NSD1: variants seen among roughly 807,000 people sequenced by gnomAD.
NSD1 encodes histone-lysine N-methyltransferase, H3 lysine-36 specific.
In NSD1, 26 loss-of-function variants were observed where a neutral mutation model predicts 242.7. The ratio of observed to expected loss-of-function variants is 0.11; its 90% confidence interval spans 0.08 to 0.15. The LOEUF is 0.15. NSD1 is among the 10% of genes least tolerant of loss of function. The pLI, the probability that NSD1 is intolerant of heterozygous loss-of-function variation, is 1.00. For synonymous variants in NSD1, 1,106 were observed against 1,178.1 expected (o/e 0.94, Z 1.25); for missense variants, 2,495 against 3,272.8 (o/e 0.76, Z 5.80).
rs1756359810 is a variant in NSD1 at position 177,255,538 on chromosome 5, CAGAG to C, written c.4766-1409_4766-1406del. On this transcript the variant is annotated intron_variant, in intron 12 of 22. Coordinates refer to ENST00000439151, the MANE Select transcript of NSD1 (RefSeq NM_022455.5). ...TTTTCTTATGTTGTACTGCATCTCA[CAGAG>C]AGATAGAGGTCTGTGGTTTTTGTTT... 2.0e-5 allele frequency among the ~76,000 whole-genome samples: 3 copies of C among 152,148 alleles called. No homozygotes were observed. In the South Asian group the frequency reaches 6.2e-4, roughly 32 times the overall value.
chr5:177,219,978 G>A (rs1039677105), intron 5 of NSD1, among the ~76,000 whole-genome samples: 5 of 152,084 alleles, frequency 3.3e-5, no homozygotes, highest in African/African-American at 9.7e-5. Flanking sequence ...AAAAGACTCT[G>A]TGTGACCATA....
Position 177,135,535 on chromosome 5 carries a change from G to A in NSD1, c.432G>A (p.Lys144=), listed in dbSNP as rs2149756061. The change falls in exon 2 of 23, where the codon AAG becomes AAA. Residue 144 remains lysine, a synonymous_variant. Transcript: ENST00000439151. The stretch of plus-strand genomic sequence containing the variant: ...CTGAACTCCAGGTAAAAGTAACAAA[G>A]ACTATCAAGAATGGCTTTCTGCACT... ...NSPELQVKVT[K]TIKNGFLHFE... is the part of the protein sequence containing the mutation. The A allele has an allele frequency of 6.2e-7, 1 of 1,614,162 alleles. No homozygotes were observed. Among genetic ancestry groups the A allele is most frequent in the South Asian group, 1.1e-5 (1 of 91,078 alleles).
At chr5:177,217,688 A>T (rs1763890629) in intron 5 of NSD1, among the ~76,000 whole-genome samples, 1 of 123,302 alleles carries the variant, frequency 8.1e-6, no homozygotes, top group African/African-American at 3.3e-5. Context: ...TTTTTTTGAG[A>T]CAGAGTTTCA....
At chr5:177,241,803 G>T (rs1337396607) in intron 8 of NSD1, among the ~76,000 whole-genome samples, 17 of 152,116 alleles carry the variant, frequency 1.1e-4, no homozygotes. Context: ...GGTATATTTT[G>T]TCATAAGGCT....
At chr5:177,158,329 T>TTTTCTTTCTTTTCTTTC (rs1758372062) in intron 2 of NSD1, among the ~76,000 whole-genome samples, 1 of 140,636 alleles carries the variant, frequency 7.1e-6, no homozygotes, top group African/African-American at 2.7e-5. Context: ...CTTTTCTTTC[T>TTTTCTTTCTTTTCTTTC]TTTCTTTCTT....
rs1359018226 is a variant in NSD1, at chr5:177,300,061, C to A, written c.*4602C>A. ...CCATCATTGCTTTTTTGCCGCGCCC[C>A]CCCCCCCCCGCCCCCATAGATTGTC... On this transcript the variant is annotated 3_prime_UTR_variant, in exon 23 of 23. Transcript: ENST00000439151. 1.7e-5 allele frequency: 3 copies of A among 172,548 alleles called. No homozygotes were observed. The highest frequency in any genetic ancestry group is 3.2e-5 in the Non-Finnish European group (3 of 93,540). 10.7% of individuals were successfully genotyped at this position (172,548 alleles called of 1,614,324 possible). A position where few individuals can be genotyped will look rare whatever the true frequency, so the allele number is the denominator to read the frequency against.
intron 3 of NSD1, among the ~76,000 whole-genome samples, 177 bp from the exon 4 acceptor site, chr5:177,203,943 C>T (rs1050298840): frequency 1.3e-5 from 2 of 152,174 alleles, no homozygotes; most frequent in African/African-American, 4.8e-5. Flanking sequence ...TTTCTTGCCA[C>T]ACATATATAA....
At position 177,238,570 on chromosome 5, in the gene NSD1, G is replaced by A. The variant is rs2149887946; in HGVS notation, c.4192+63G>A. The stretch of plus-strand genomic sequence containing the variant: ...TGATTAGAGGAAGCAGGAGATTTTA[G>A]TATGTTTTGATGTAAAGCCAACATT... On this transcript the variant is annotated intron_variant, in intron 7 of 22. Transcript: ENST00000439151. The surrounding 1 kb of genome is among the most constrained non-coding windows in gnomAD (Gnocchi z 4.6). 1 of 1,584,192 alleles carries A rather than the reference G, an allele frequency of 6.3e-7. No homozygotes were observed. The highest frequency in any genetic ancestry group is 2.2e-5 in the East Asian group (1 of 44,796).
chr5:177,194,317 T>C (rs1196444647), intron 3 of NSD1, among the ~76,000 whole-genome samples: 1 of 151,986 alleles, frequency 6.6e-6, no homozygotes, highest in African/African-American at 2.4e-5. Context: ...TGGAGTGTAA[T>C]GGCATAACAA....
intron 3 of NSD1, 61 bp from the exon 4 acceptor site, chr5:177,204,059 T>C (rs1466501729): frequency 1.7e-5 from 26 of 1,495,182 alleles, no homozygotes; most frequent in Non-Finnish European, 2.3e-5. Context: ...GTGGCTGTTC[T>C]CTTAATGATG....
chr5:177,158,329 T>TTTTCTTTC (rs201158112), intron 2 of NSD1, among the ~76,000 whole-genome samples: 4 of 140,738 alleles, frequency 2.8e-5, no homozygotes, highest in African/African-American at 8.0e-5. Flanking sequence ...CTTTTCTTTC[T>TTTTCTTTC]TTTCTTTCTT....
At chr5:177,202,369 T>C (rs1270366066) in intron 3 of NSD1, among the ~76,000 whole-genome samples, 3 of 152,138 alleles carry the variant, frequency 2.0e-5, no homozygotes, top group East Asian at 3.9e-4. Context: ...CTTGATCTGT[T>C]AATGAAATTT....
intron 17 of NSD1, among the ~76,000 whole-genome samples, chr5:177,274,551 A>G (rs1223755457): frequency 6.6e-6 from 1 of 152,204 alleles, no homozygotes; most frequent in African/African-American, 2.4e-5. Flanking sequence ...AAATATCATA[A>G]AACATGAAAG....
At chr5:177,220,390 A>G (rs1367422246) in intron 5 of NSD1, among the ~76,000 whole-genome samples, 1 of 152,056 alleles carries the variant, frequency 6.6e-6, no homozygotes, top group Non-Finnish European at 1.5e-5. Flanking sequence ...CTGGCATAGA[A>G]TATCTTTTTG....
chr5:177,181,526 A>G lies in NSD1; in HGVS notation c.928-10358A>G, dbSNP rs560541291. Among the ~76,000 whole-genome samples, 4 of 147,176 alleles carry G rather than the reference A, an allele frequency of 2.7e-5. No homozygotes were observed. The South Asian group carries it at 6.5e-4, about 24-fold the overall frequency. On this transcript the variant is annotated intron_variant, in intron 2 of 22. Coordinates refer to ENST00000439151, the MANE Select transcript of NSD1 (RefSeq NM_022455.5). ...CTGCAACCTCCAACTCGCGGGTTCA[A>G]GTGATTCTCCTGCCTCAGCCTCCTG...
intron 4 of NSD1, among the ~76,000 whole-genome samples, chr5:177,207,244 G>T (rs751812135): frequency 1.3e-5 from 2 of 151,242 alleles, no homozygotes; most frequent in Admixed American, 1.3e-4. Context: ...CACTGTGCCC[G>T]GCCTCGTTAC....
Position 177,212,173 on chromosome 5 carries a change from A to G in NSD1, c.3774A>G (p.Pro1258=). Residue 1258 remains proline, a synonymous_variant, in exon 5 of 23, where the codon CCA becomes CCG. Coordinates refer to ENST00000439151, the MANE Select transcript of NSD1 (RefSeq NM_022455.5). ...EKEPGIPSLT[P]QAELPEPAVR... is the part of the protein sequence containing the mutation. ...AGCCAGGAATTCCCAGTTTGACACC[A>G]CAGGCTGAGCTCCCTGAACCAGGTA... The G allele has an allele frequency of 6.2e-7, 1 of 1,614,094 alleles. No homozygotes were observed. Among genetic ancestry groups the G allele is most frequent in the Middle Eastern group, 1.6e-4 (1 of 6,062 alleles).
chr5:177,266,323 A>G (rs186957272), intron 14 of NSD1: 1 of 722,188 alleles, frequency 1.4e-6, no homozygotes, highest in Admixed American at 1.8e-5. Context: ...CCGCATAATC[A>G]GAGCTACTGG....
At chr5:177,205,557 A>G (rs938388227) in intron 4 of NSD1, among the ~76,000 whole-genome samples, 1 of 151,694 alleles carries the variant, frequency 6.6e-6, no homozygotes, top group African/African-American at 2.4e-5. Flanking sequence ...AAAAATTACT[A>G]TCTTAAACAC....
Sources: gnomAD v4.1 joint callset for allele counts (sites outside exome capture counted in the v4.1 genomes callset) on GRCh38, gnomAD v4.1.1 for gene constraint, Gnocchi (gnomAD v3.1) non-coding constraint, MANE v1.5 for transcripts, NCBI Gene and HGNC (gene_info 2026-07-23, HGNC 2026-07-21) for gene names.